The following UGT1A5 variants were observed in gnomAD, a reference collection of about 807,000 sequenced individuals.
UGT1A5 encodes the protein UDP glucuronosyltransferase family 1 member A5.
A neutral mutation model predicts 40.3 loss-of-function variants in UGT1A5; 29 were observed. That is an observed-to-expected ratio of 0.72 (90% confidence interval 0.54 to 0.98). The LOEUF (loss-of-function observed/expected upper bound fraction) is 0.98, where lower values mean the gene tolerates loss of function less well. Ranked by LOEUF, UGT1A5 falls within the 50% of genes least tolerant of loss-of-function variation. The pLI, the probability that UGT1A5 is intolerant of heterozygous loss-of-function variation, is 0.00. For synonymous variants in UGT1A5, 257 were observed against 262.5 expected, an observed-to-expected ratio of 0.98 and a Z score of 0.20; for missense variants, 678 against 677.9, an observed-to-expected ratio of 1.00 and a Z score of 0.00.
chr2:233,718,714 A>G (rs1440989582), intron 1 of UGT1A5: 4 of 1,607,872 alleles, frequency 2.5e-6, no homozygotes, highest in Non-Finnish European at 3.4e-6. Flanking sequence ...TTCCAATTAC[A>G]TGCTGATTTG....
At position 233,713,745 on chromosome 2, in the gene UGT1A5, G is replaced by A; in HGVS notation, c.754G>A (p.Ala252Thr). The change falls in exon 1 of 5, where the codon GCA becomes ACA. Residue 252 changes from alanine (A) to threonine (T), a missense_variant. By Grantham distance (58) the Ala-to-Thr change is moderately conservative. Transcript: ENST00000373414. The part of the protein sequence containing the change: ...EVSVVDLVSH[A>T]SVWLFRGDFV... The stretch of plus-strand genomic sequence containing the variant: ...GTCAGTGGTGGATCTTGTCAGCCAT[G>A]CATCTGTGTGGCTGTTCCGAGGGGA... 6.2e-7 allele frequency: 1 copy of A among 1,613,988 alleles called. No individual in the cohort carries two copies. Among genetic ancestry groups the A allele is most frequent in the Non-Finnish European group, 8.5e-7 (1 of 1,179,908 alleles).
intron 4 of UGT1A5, chr2:233,770,235 A>G (rs930818021): frequency 6.6e-6 from 1 of 152,226 alleles, no homozygotes; most frequent in Non-Finnish European, 1.5e-5. Flanking sequence ...GTGAATCTCC[A>G]TGATTCCAAC....
Position 233,765,707 on chromosome 2 carries a change from ATAAT to A in UGT1A5, c.868-1322_868-1319del, listed in dbSNP as rs1196419117. Among the ~76,000 whole-genome samples, 12 of 144,042 alleles carry A rather than the reference ATAAT, an allele frequency of 8.3e-5. No individual in the cohort carries two copies. The East Asian group carries it at 2.3e-3, about 27-fold the overall frequency. 94.5% of individuals were successfully genotyped at this position (144,042 alleles called of 152,430 possible). Reference sequence around the variant, plus strand: ...GAACTTCAAGTAAATAATAATAATAATAATTAATAATAATAATAATAATAAATAA... The same window carrying A: ...GAACTTCAAGTAAATAATAATAATAATAATAATAATAATAATAATAAATAA... On this transcript the variant is annotated intron_variant, in intron 1 of 4. Transcript: ENST00000373414.
chr2:233,722,391 C>T (rs1160586490), intron 1 of UGT1A5, among the ~76,000 whole-genome samples: 1 of 152,204 alleles, frequency 6.6e-6, no homozygotes, highest in African/African-American at 2.4e-5. Flanking sequence ...TCTTCTCCCT[C>T]TCTTTCTCCT....
chr2:233,728,185 C>T (rs1270906872), intron 1 of UGT1A5, among the ~76,000 whole-genome samples: 1 of 152,200 alleles, frequency 6.6e-6, no homozygotes, highest in African/African-American at 2.4e-5. Flanking sequence ...CTTATCAGAA[C>T]TTGGTGCTGG....
intron 1 of UGT1A5, among the ~76,000 whole-genome samples, chr2:233,765,843 C>T (rs546022798): frequency 6.6e-6 from 1 of 151,968 alleles, no homozygotes; most frequent in Admixed American, 6.6e-5. Flanking sequence ...TTTCCTTGTC[C>T]CCCTCACAGA....
At position 233,761,104 on chromosome 2, in the gene UGT1A5, G is replaced by T. The variant is rs143072292; in HGVS notation, c.868-5930G>T. On this transcript the variant is annotated intron_variant, in intron 1 of 4. Transcript: ENST00000373414. Reference sequence around the variant, plus strand: ...CCCTAGGCCCATCATGCCCAATATGGTTTTTGTTGGTGGAATCAACTGCCT... The same window carrying T: ...CCCTAGGCCCATCATGCCCAATATGTTTTTTGTTGGTGGAATCAACTGCCT... 1.9e-6 allele frequency: 3 copies of T among 1,614,078 alleles called. No homozygotes were observed. In the African/African-American group the frequency reaches 4.0e-5, roughly 22 times the overall value.
At chr2:233,767,511 A>G (rs1020159718) in intron 2 of UGT1A5, among the ~76,000 whole-genome samples, 21 of 152,248 alleles carry the variant, frequency 1.4e-4, no homozygotes, top group African/African-American at 3.9e-4. Context: ...GTTGGTTAGA[A>G]CACTGAATTT....
chr2:233,765,491 C>T (rs1438228783), intron 1 of UGT1A5, among the ~76,000 whole-genome samples: 1 of 152,094 alleles, frequency 6.6e-6, no homozygotes, highest in African/African-American at 2.4e-5. Flanking sequence ...TCATCCTCCA[C>T]AAACTAACAC....
In UGT1A5 at chr2:233,760,262, G is replaced by A. The variant is rs547805333; in HGVS notation, c.868-6772G>A. 2.2e-5 allele frequency: 35 copies of A among 1,611,676 alleles called. No individual in the cohort carries two copies. In the South Asian group the frequency reaches 3.4e-4, roughly 16 times the overall value. ...TATATATATATAAGTAGGAGAGGGC[G>A]AACCTCTGGCAGGAGCAAAGGCGCC... On this transcript the variant is annotated intron_variant, in intron 1 of 4. Transcript: ENST00000373414.
intron 1 of UGT1A5, among the ~76,000 whole-genome samples, chr2:233,725,098 A>G (rs1201053871): frequency 1.4e-5 from 2 of 143,348 alleles, no homozygotes; most frequent in Non-Finnish European, 3.0e-5. Context: ...GAGGCAGGAG[A>G]ATCAGGCAGG....
intron 4 of UGT1A5, chr2:233,771,337 C>A (rs949199935): frequency 6.6e-6 from 1 of 152,084 alleles, no homozygotes; most frequent in Non-Finnish European, 1.5e-5. Flanking sequence ...CCTCTTCATT[C>A]CTGTAGCACC....
At chr2:233,763,882 A>G (rs1279865944) in intron 1 of UGT1A5, among the ~76,000 whole-genome samples, 1 of 152,208 alleles carries the variant, frequency 6.6e-6, no homozygotes, top group Non-Finnish European at 1.5e-5. Flanking sequence ...GGTCTGAGAA[A>G]AATAACTAAA....
intron 1 of UGT1A5, among the ~76,000 whole-genome samples, chr2:233,737,027 C>T (rs2078835915): frequency 6.6e-6 from 1 of 152,230 alleles, no homozygotes; most frequent in South Asian, 2.1e-4. Flanking sequence ...TCTGTCCATT[C>T]TCAGAGCTCA....
intron 3 of UGT1A5, 26 bp downstream of exon 3, chr2:233,767,962 G>A: frequency 5.0e-6 from 8 of 1,614,120 alleles, no homozygotes; most frequent in Non-Finnish European, 5.9e-6. Flanking sequence ...TGGATGTATA[G>A]GTCAAACCAG....
At chr2:233,714,637 G>A (rs144014663) in intron 1 of UGT1A5, among the ~76,000 whole-genome samples, 2 of 152,328 alleles carry the variant, frequency 1.3e-5, no homozygotes, top group East Asian at 3.9e-4. Context: ...TAAAATTAAT[G>A]TGAATAATGC....
intron 4 of UGT1A5, among the ~76,000 whole-genome samples, chr2:233,768,769 A>G (rs1559416355): frequency 6.6e-6 from 1 of 151,738 alleles, no homozygotes; most frequent in Non-Finnish European, 1.5e-5. Flanking sequence ...TTTTTAGTAG[A>G]GAAAGGGTTT....
intron 1 of UGT1A5, among the ~76,000 whole-genome samples, chr2:233,736,359 A>G (rs2078753406): frequency 6.6e-6 from 1 of 152,150 alleles, no homozygotes; most frequent in Admixed American, 6.5e-5. Flanking sequence ...TTTCAGCTCC[A>G]TCAGGTCATT....
At chr2:233,747,282 GC>G in intron 1 of UGT1A5, 1 of 1,600,800 alleles carries the variant, frequency 6.2e-7, no homozygotes, top group Non-Finnish European at 8.5e-7. Context: ...TCAGTGCCCA[GC>G]CCTGGGCTGA....
Sources: allele counts gnomAD v4.1 joint callset (sites outside exome capture counted in the v4.1 genomes callset), GRCh38; gene constraint gnomAD v4.1.1; transcripts MANE v1.5; gene names NCBI Gene and HGNC (gene_info 2026-07-23, HGNC 2026-07-21).